PAX5: variants seen among roughly 807,000 people sequenced by gnomAD.
PAX5 encodes the protein paired box protein Pax-5.
In PAX5, 9 loss-of-function variants were observed where a neutral mutation model predicts 43.7. The ratio of observed to expected loss-of-function variants is 0.21; its 90% CI spans 0.12 to 0.36. The LOEUF (loss-of-function observed/expected upper bound fraction) is 0.36, where lower values mean the gene tolerates loss of function less well. Ranked by LOEUF, PAX5 falls within the 10% of genes least tolerant of loss-of-function variation. The pLI, the probability that PAX5 is intolerant of heterozygous loss-of-function variation, is 1.00. For synonymous variants in PAX5, 228 were observed against 214.3 expected, an observed-to-expected ratio of 1.06 and a Z score of -0.56; for missense variants, 383 against 532.7, an observed-to-expected ratio of 0.72 and a Z score of 2.77.
chr9:37,003,039 C>T (rs1189268711), intron 4 of PAX5, among the ~76,000 whole-genome samples: 8 of 151,700 alleles, frequency 5.3e-5, no homozygotes, highest in Admixed American at 3.9e-4. Context: ...GAAAGGAACA[C>T]GGGGACACGG....
intron 6 of PAX5, among the ~76,000 whole-genome samples, chr9:36,926,896 GCA>G (rs1830686472): frequency 6.6e-6 from 1 of 152,178 alleles, no homozygotes; most frequent in East Asian, 1.9e-4. Flanking sequence ...AGGGACAAGA[GCA>G]CAGAGTCATT....
At chr9:36,865,798 G>T (rs1003779986) in intron 8 of PAX5, among the ~76,000 whole-genome samples, 1 of 152,168 alleles carries the variant, frequency 6.6e-6, no homozygotes, top group Non-Finnish European at 1.5e-5. Context: ...TATGTTTTTG[G>T]AAGCCTGCTC....
At chr9:36,974,862 G>T (rs1835289239) in intron 5 of PAX5, among the ~76,000 whole-genome samples, 1 of 151,992 alleles carries the variant, frequency 6.6e-6, no homozygotes, top group South Asian at 2.1e-4. Context: ...TCTAGTCAGG[G>T]TCACCCCCCA....
intron 8 of PAX5, among the ~76,000 whole-genome samples, chr9:36,874,801 G>A (rs959472825): frequency 5.3e-5 from 8 of 152,134 alleles, no homozygotes; most frequent in Non-Finnish European, 1.0e-4. Flanking sequence ...TGATTTGAGC[G>A]TTAGCATGCC....
chr9:36,982,286 T>C (rs1318001990), intron 5 of PAX5, among the ~76,000 whole-genome samples: 1 of 151,816 alleles, frequency 6.6e-6, no homozygotes, highest in Non-Finnish European at 1.5e-5. Flanking sequence ...AAAATAAAAA[T>C]AAATAAATAA....
chr9:36,911,847 G>A (rs1275365146), intron 7 of PAX5, among the ~76,000 whole-genome samples: 1 of 152,244 alleles, frequency 6.6e-6, no homozygotes, highest in African/African-American at 2.4e-5. Flanking sequence ...CAGCCCAGCA[G>A]AGGGTCTCCA....
chr9:36,957,062 G>A (rs932924330), intron 6 of PAX5, among the ~76,000 whole-genome samples: 7 of 152,212 alleles, frequency 4.6e-5, no homozygotes, highest in African/African-American at 1.7e-4. Context: ...CATGGGAGGA[G>A]TCACTTATCC....
Position 36,867,737 on chromosome 9 carries a change from C to T in PAX5, c.1012+14267G>A, listed in dbSNP as rs191912618. 2.6e-4 allele frequency among the ~76,000 whole-genome samples: 40 copies of T among 152,334 alleles called. 1 individual carries two copies. Among genetic ancestry groups the T allele is most frequent in the African/African-American group, 9.6e-4 (40 of 41,574 alleles). ...TCTCTCTTTCTCTTTTCCACTCCTT[C>T]TCTCTTCCTTTCTTTCTTTCTTTCA... On this transcript the variant is annotated intron_variant, in intron 8 of 9. Coordinates refer to ENST00000358127, the MANE Select transcript of PAX5 (RefSeq NM_016734.3).
At chr9:36,905,215 C>T (rs534566490) in intron 7 of PAX5, among the ~76,000 whole-genome samples, 30 of 152,292 alleles carry the variant, frequency 2.0e-4, no homozygotes, top group East Asian at 9.7e-4. Context: ...ACTTTCCTGC[C>T]GGGGAGGCCG....
chr9:36,902,172 G>A lies in PAX5; in HGVS notation c.911-20067C>T, dbSNP rs1197557050. 3.9e-5 allele frequency among the ~76,000 whole-genome samples: 6 copies of A among 152,178 alleles called. No homozygotes were observed. In the East Asian group the frequency reaches 1.2e-3, roughly 29 times the overall value. On this transcript the variant is annotated intron_variant, in intron 7 of 9. Transcript: ENST00000358127. ...AAATCCATAAAGGCTCGGCAAAGCG[G>A]TGGCGGTGGAATTCTCCAGCTCCTG...
chr9:36,860,059 C>T (rs745919271), intron 8 of PAX5, among the ~76,000 whole-genome samples: 3 of 147,930 alleles, frequency 2.0e-5, no homozygotes, highest in Non-Finnish European at 3.0e-5. Flanking sequence ...CATCTGGGGG[C>T]CGGGCATAGT....
At chr9:36,888,040 G>C (rs1396428628) in intron 7 of PAX5, among the ~76,000 whole-genome samples, 1 of 152,208 alleles carries the variant, frequency 6.6e-6, no homozygotes, top group Non-Finnish European at 1.5e-5. Flanking sequence ...AACATCATTA[G>C]CTCTCAGGGA....
At position 37,034,091 on chromosome 9, in the gene PAX5, T is replaced by C. The variant is rs1564102649; in HGVS notation, c.-60A>G. The stretch of plus-strand genomic sequence containing the variant: ...AAAAGTTTCCACTTTTTTGTGCCTT[T>C]TTTTTTCTTTTTTTTTTTTTTTTTT... On this transcript the variant is annotated 5_prime_UTR_variant, in exon 1 of 10. Coordinates refer to ENST00000358127, the MANE Select transcript of PAX5 (RefSeq NM_016734.3). The C allele has an allele frequency of 2.4e-6, 2 of 825,810 alleles. No individual in the cohort carries two copies. Among genetic ancestry groups the C allele is most frequent in the Non-Finnish European group, 3.8e-6 (2 of 529,900 alleles). The allele number at this position is 825,810 out of a possible 1,614,324, so 51.2% of individuals were successfully genotyped here.
chr9:36,931,868 AAT>A (rs1430650961), intron 6 of PAX5, among the ~76,000 whole-genome samples: 18 of 143,918 alleles, frequency 1.3e-4, no homozygotes, highest in Admixed American at 1.1e-3. Flanking sequence ...AAAAAAAAAA[AAT>A]CATAACATAT....
intron 7 of PAX5, among the ~76,000 whole-genome samples, chr9:36,883,391 G>T (rs1249985095): frequency 2.0e-5 from 3 of 152,170 alleles, no homozygotes; most frequent in Non-Finnish European, 2.9e-5. Context: ...AAACAGAAAA[G>T]AATGAATTAG....
intron 7 of PAX5, among the ~76,000 whole-genome samples, chr9:36,889,690 T>A (rs185748065): frequency 3.0e-4 from 46 of 152,282 alleles, no homozygotes; most frequent in East Asian, 1.4e-3. Context: ...CTCATTCCTG[T>A]TTCCCTTGCA....
At chr9:36,994,128 A>T (rs2132342735) in intron 5 of PAX5, among the ~76,000 whole-genome samples, 1 of 152,294 alleles carries the variant, frequency 6.6e-6, no homozygotes, top group South Asian at 2.1e-4. Context: ...GAAAGGCCCC[A>T]GGAGCCCCTC....
At chr9:37,021,891 A>G (rs1271342990) in intron 1 of PAX5, among the ~76,000 whole-genome samples, 1 of 152,042 alleles carries the variant, frequency 6.6e-6, no homozygotes, top group Non-Finnish European at 1.5e-5. Context: ...GGAAGGGGAA[A>G]CTCCTCCTGA....
intron 6 of PAX5, among the ~76,000 whole-genome samples, chr9:36,954,546 T>C (rs896896545): frequency 6.6e-6 from 1 of 152,200 alleles, no homozygotes. Flanking sequence ...TCGAAGATAT[T>C]TTCTGTTGTC....
Sources: allele counts gnomAD v4.1 joint callset (sites outside exome capture counted in the v4.1 genomes callset), GRCh38; gene constraint gnomAD v4.1.1; transcripts MANE v1.5; gene names NCBI Gene and HGNC (gene_info 2026-07-23, HGNC 2026-07-21).